VWA7: variants seen among roughly 807,000 people sequenced by gnomAD.
The protein encoded by VWA7 is von Willebrand factor A domain containing 7, also known as von Willebrand factor A domain-containing protein 7.
Under a neutral mutation model 83.1 loss-of-function variants are expected in VWA7, and 66 were observed. That is an observed-to-expected ratio of 0.79 (90% confidence interval 0.65 to 0.98). The LOEUF is 0.98. Ranked by LOEUF, VWA7 falls within the 50% of genes least tolerant of loss-of-function variation. The probability of loss-of-function intolerance (pLI) is 0.00; values close to 1 mark genes in which losing one functional copy is unlikely to be tolerated. For synonymous variants in VWA7, 424 were observed against 488.5 expected (o/e 0.87, Z 1.74); for missense variants, 1,080 against 1,160.2 (o/e 0.93, Z 1.00).
At position 31,765,658 on chromosome 6, in the gene VWA7, G is replaced by A. The variant is rs768174464; in HGVS notation, c.2612C>T (p.Ala871Val). 21 of 1,606,838 alleles carry A rather than the reference G, an allele frequency of 1.3e-5. No homozygotes were observed. Among genetic ancestry groups the A allele is most frequent in the Admixed American group, 5.1e-5 (3 of 58,856 alleles). Residue 871 changes from alanine (A) to valine (V), a missense_variant, in exon 17 of 17, where the codon GCG becomes GTG. Transcript: ENST00000375688. ...AACTGTGCCCCACCAGGGGCTGCCC[G>A]CAGCCAGCCCTGCCCCAGCCCTGCC... ...TQGRAGAGLAAGSPWWGTVGG... is the reference protein window; with the variant it reads ...TQGRAGAGLAVGSPWWGTVGG...
Position 31,769,953 on chromosome 6 carries a change from C to G in VWA7, c.1200+48G>C, listed in dbSNP as rs1376649719. On this transcript the variant is annotated intron_variant, in intron 8 of 16. Coordinates refer to ENST00000375688, the MANE Select transcript of VWA7 (RefSeq NM_025258.3). This position sits in a 1 kb window ranked among gnomAD's most constrained non-coding sequence, Gnocchi z 4.5. ...GGGGAGCCCCAGGAGGGATCTAGCTCCCCCTGGTGGTGGGGCCAGGAAACG... is the reference window on the plus strand; with the variant it reads ...GGGGAGCCCCAGGAGGGATCTAGCTGCCCCTGGTGGTGGGGCCAGGAAACG... 1.9e-6 allele frequency: 3 copies of G among 1,582,988 alleles called. No individual in the cohort carries two copies.
chr6:31,768,112 C>A (rs1374521002), intron 10 of VWA7, among the ~76,000 whole-genome samples: 1 of 135,178 alleles, frequency 7.4e-6, no homozygotes, highest in Non-Finnish European at 1.5e-5. Flanking sequence ...TGCACTCCAG[C>A]CTGGGCGACA....
Position 31,772,958 on chromosome 6 carries a change from G to T in VWA7, c.1083C>A (p.Asp361Glu). ...TCCTAGCCAGACCACACTTACCTGG[G>T]TCATGAAAAGGCACCAGGACATAGT... is the stretch of plus-strand genomic sequence containing the variant. ...PVHYVLVPFHDPGFGPVFTTS... is the reference protein window; with the variant it reads ...PVHYVLVPFHEPGFGPVFTTS... The change falls in exon 7 of 17, where the codon GAC (aspartate) becomes GAA (glutamate). Residue 361 changes from aspartate (D) to glutamate (E), a missense_variant. Asp to Glu is a conservative substitution (Grantham distance 45). Transcript: ENST00000375688. 1 of 1,604,432 alleles carries T rather than the reference G, an allele frequency of 6.2e-7. No individual in the cohort carries two copies.
At chr6:31,774,825 GA>G (rs748173479) in intron 4 of VWA7, among the ~76,000 whole-genome samples, 199 bp from the exon 5 acceptor site, 5 of 152,092 alleles carry the variant, frequency 3.3e-5, no homozygotes, top group Non-Finnish European at 5.9e-5. Context: ...GGCTGTGCTG[GA>G]AAACACAGCA....
rs1377628177 is a variant in VWA7, at chr6:31,770,018, A to C, written c.1183T>G (p.Cys395Gly). 1.2e-6 allele frequency: 2 copies of C among 1,612,960 alleles called. No homozygotes were observed. Among genetic ancestry groups the C allele is most frequent in the Non-Finnish European group, 1.7e-6 (2 of 1,179,982 alleles). ...ALGGGDEPEM[C>G]LSALQLALLH... ...GGCCAGACCTGCAGGGCTGACAGGC[A>C]CATCTCAGGCTCGTCTCCACCCCCC... The change falls in exon 8 of 17, where the codon TGC becomes GGC. Residue 395 changes from cysteine to glycine, a missense_variant. Cys to Gly is a radical substitution (Grantham distance 159). Coordinates refer to ENST00000375688, the MANE Select transcript of VWA7 (RefSeq NM_025258.3).
Position 31,765,952 on chromosome 6 carries a change from T to G in VWA7, c.2430A>C (p.Gly810=), listed in dbSNP as rs1181078682. The change falls in exon 16 of 17, where the codon GGA becomes GGC. Residue 810 remains glycine (G), a synonymous_variant. Coordinates refer to ENST00000375688, the MANE Select transcript of VWA7 (RefSeq NM_025258.3). The part of the protein sequence containing the change: ...SVVMVTVTAG[G]REANPVPPTH... ...TCGGGGGTACTGGGTTGGCTTCTCGTCCCCCTGCAGTCACAGTCACCATCA... is the reference window on the plus strand; with the variant it reads ...TCGGGGGTACTGGGTTGGCTTCTCGGCCCCCTGCAGTCACAGTCACCATCA... The G allele has an allele frequency of 6.2e-7, 1 of 1,612,964 alleles. No individual in the cohort carries two copies. The highest frequency in any genetic ancestry group is 1.1e-5 in the South Asian group (1 of 91,084).
rs377061076 is a variant in VWA7 at position 31,766,793 on chromosome 6, T to C, written c.1883-29A>G. 88 of 1,573,666 alleles carry C rather than the reference T, an allele frequency of 5.6e-5. No individual in the cohort carries two copies. Among genetic ancestry groups the C allele is most frequent in the Non-Finnish European group, 6.6e-5 (76 of 1,155,300 alleles). On this transcript the variant is annotated intron_variant, in intron 13 of 16. Transcript: ENST00000375688. This position sits in a 1 kb window ranked among gnomAD's most constrained non-coding sequence, Gnocchi z 4.9. The stretch of plus-strand genomic sequence containing the variant: ...GGACAGGGGCGAGGAGGGGAGAACA[T>C]TGTGAGATTCGGAGACACAGGGAGA...
intron 4 of VWA7, 70 bp from the exon 5 acceptor site, chr6:31,774,696 C>A: frequency 7.6e-7 from 1 of 1,316,768 alleles, no homozygotes. Flanking sequence ...CCCACCCAAA[C>A]CTTTTCAGCT....
Position 31,777,024 on chromosome 6 carries a change from C to A in VWA7, c.-16+85G>T. The A allele has an allele frequency of 2.4e-6, 1 of 421,698 alleles. No individual in the cohort carries two copies. Among genetic ancestry groups the A allele is most frequent in the Non-Finnish European group, 4.2e-6 (1 of 238,916 alleles). The allele number at this position is 421,698 out of a possible 1,614,324, so 26.1% of individuals were successfully genotyped here. A position where few individuals can be genotyped will look rare whatever the true frequency, so the allele number is the denominator to read the frequency against. On this transcript the variant is annotated intron_variant, in intron 1 of 16. Transcript: ENST00000375688. The surrounding 1 kb of genome is among the most constrained non-coding windows in gnomAD (Gnocchi z 5.8). ...AAGGTTCCTCCCCCACGCCCCCCTC[C>A]CCAGTCCCTGGCTGCGTCCCCAGCC...
At chr6:31,767,133 G>C (rs747442629) in intron 13 of VWA7, 25 bp downstream of exon 13, 1 of 1,064,426 alleles carries the variant, frequency 9.4e-7, no homozygotes, top group South Asian at 2.1e-5. Context: ...GGTTAGGTGG[G>C]TGGGGGCTCA....
chr6:31,768,977 C>A (rs145338933), intron 10 of VWA7, 41 bp downstream of exon 10: 2 of 1,566,588 alleles, frequency 1.3e-6, no homozygotes, highest in Non-Finnish European at 1.7e-6. Flanking sequence ...GCAGCCTGAC[C>A]ACCCTTCAGT....
Position 31,773,105 on chromosome 6 carries a change from T to G in VWA7, c.936A>C (p.Pro312=), listed in dbSNP as rs1435223792. ...CCAGGACAAAGCTCAGGCTGGAGGC[T>G]GGGGTGATGTCCAGCAGCCTGGGGA... The part of the protein sequence containing the change: ...RDFSRLLDIT[P]ASSLSFVLDT... Residue 312 remains proline (P), a synonymous_variant, in exon 7 of 17, where the codon CCA becomes CCC. Coordinates refer to ENST00000375688, the MANE Select transcript of VWA7 (RefSeq NM_025258.3). This position sits in a 1 kb window ranked among gnomAD's most constrained non-coding sequence, Gnocchi z 5.3. The G allele has an allele frequency of 3.1e-6, 5 of 1,611,598 alleles. No individual in the cohort carries two copies. Among genetic ancestry groups the G allele is most frequent in the Non-Finnish European group, 4.2e-6 (5 of 1,179,438 alleles).
Position 31,765,738 on chromosome 6 carries a change from G to A in VWA7, c.2532C>T (p.Asp844=). The A allele has an allele frequency of 6.3e-7, 1 of 1,592,942 alleles. No homozygotes were observed. Residue 844 remains aspartate, a synonymous_variant, in exon 17 of 17, where the codon GAC becomes GAT. Transcript: ENST00000375688. ...DRHTTPTGSS[D]PILTTATPAF... ...CAGGGGTGGCCGTGGTGAGGATCGG[G>A]TCAGATGAGCCGGTAGGGGTGGTGT...
chr6:31,766,203 G>C lies in VWA7; in HGVS notation c.2324+42C>G, dbSNP rs758520477. 9 of 1,606,456 alleles carry C rather than the reference G, an allele frequency of 5.6e-6. No individual in the cohort carries two copies. The highest frequency in any genetic ancestry group is 7.6e-6 in the Non-Finnish European group (9 of 1,176,670). On this transcript the variant is annotated intron_variant, in intron 15 of 16. Coordinates refer to ENST00000375688, the MANE Select transcript of VWA7 (RefSeq NM_025258.3). The surrounding 1 kb of genome is among the most constrained non-coding windows in gnomAD (Gnocchi z 4.9). ...GCAGGGCTTGGGATAAGCATTGGCC[G>C]GGCAAGATGCCAGAGGGAGCTGGAG...
chr6:31,769,032 T>C lies in VWA7; in HGVS notation c.1489A>G (p.Ser497Gly). 6.2e-7 allele frequency: 1 copy of C among 1,611,734 alleles called. No homozygotes were observed. Among genetic ancestry groups the C allele is most frequent in the Non-Finnish European group, 8.5e-7 (1 of 1,179,494 alleles). Reference sequence around the variant, plus strand: ...CCCCCACTTACCAGGGCAGCCATGCTCTCCCCAACAATGGCTGCCACGTCT... The same window carrying C: ...CCCCCACTTACCAGGGCAGCCATGCCCTCCCCAACAATGGCTGCCACGTCT... ...IRDVAAIVGE[S>G]MAALVTLPLD... The change falls in exon 10 of 17, where the codon AGC (serine) becomes GGC (glycine). Residue 497 changes from serine to glycine, a missense_variant. Ser to Gly is a moderately conservative substitution (Grantham distance 56). Coordinates refer to ENST00000375688, the MANE Select transcript of VWA7 (RefSeq NM_025258.3). The surrounding 1 kb of genome is among the most constrained non-coding windows in gnomAD (Gnocchi z 4.5).
In VWA7 at chr6:31,773,445, G is replaced by T; in HGVS notation, c.722-8C>A. 1.3e-6 allele frequency: 2 copies of T among 1,575,678 alleles called. No individual in the cohort carries two copies. Among genetic ancestry groups the T allele is most frequent in the East Asian group, 2.3e-5 (1 of 43,660 alleles). On this transcript the variant is annotated splice_polypyrimidine_tract_variant and splice_region_variant and intron_variant, in intron 5 of 16. Coordinates refer to ENST00000375688, the MANE Select transcript of VWA7 (RefSeq NM_025258.3). This position sits in a 1 kb window ranked among gnomAD's most constrained non-coding sequence, Gnocchi z 5.3. ...CCCCGTGGCTACATTTCCCTGGGTT[G>T]GGGAAAGGGATCTGGAGAGTGGAGG...
At position 31,775,747 on chromosome 6, in the gene VWA7, T is replaced by A. The variant is rs572923866; in HGVS notation, c.513+217A>T. Among the ~76,000 whole-genome samples the A allele has an allele frequency of 1.1e-4, 17 of 152,284 alleles. No individual in the cohort carries two copies. In the East Asian group the frequency reaches 3.1e-3, roughly 28 times the overall value. ...CGCAGCCTTCCTCTCTCACCCTCAC[T>A]TCTCTCCAGCCACAGCGCCCTCCTT... On this transcript the variant is annotated intron_variant, in intron 3 of 16. Transcript: ENST00000375688. The surrounding 1 kb of genome is among the most constrained non-coding windows in gnomAD (Gnocchi z 5.9).
At chr6:31,774,713 C>A in intron 4 of VWA7, 87 bp from the exon 5 acceptor site, 1 of 1,147,306 alleles carries the variant, frequency 8.7e-7, no homozygotes, top group South Asian at 1.5e-5. Context: ...AGCTTCTCCT[C>A]CCAGCTGGGA....
In VWA7 at chr6:31,775,946, A is replaced by G. The variant is rs374059063; in HGVS notation, c.513+18T>C. On this transcript the variant is annotated intron_variant, in intron 3 of 16. Transcript: ENST00000375688. This position sits in a 1 kb window ranked among gnomAD's most constrained non-coding sequence, Gnocchi z 5.9. ...GAAGTGAAGACCCCTCTGACCATCAACCCAACCCTGTTCTCACCTGCAGGG... is the reference window on the plus strand; with the variant it reads ...GAAGTGAAGACCCCTCTGACCATCAGCCCAACCCTGTTCTCACCTGCAGGG... 8.4e-5 allele frequency: 134 copies of G among 1,597,906 alleles called. No homozygotes were observed. The highest frequency in any genetic ancestry group is 1.1e-4 in the Non-Finnish European group (124 of 1,171,560).
Sources: gnomAD v4.1 joint callset for allele counts (sites outside exome capture counted in the v4.1 genomes callset) on GRCh38, gnomAD v4.1.1 for gene constraint, Gnocchi (gnomAD v3.1) non-coding constraint, MANE v1.5 for transcripts, NCBI Gene and HGNC (gene_info 2026-07-23, HGNC 2026-07-21) for gene names.